The following SIM2 variants were observed in gnomAD, a reference collection of about 807,000 sequenced individuals.
SIM2 encodes the protein SIM bHLH transcription factor 2.
Under a neutral mutation model 64.8 loss-of-function variants are expected in SIM2, and 28 were observed. The observed-to-expected ratio is 0.43, with a 90% CI of 0.32 to 0.59. SIM2 has a LOEUF of 0.59. Among genes scored for constraint, SIM2 ranks in the 20% least tolerant of loss-of-function variants. The pLI is 0.07. For synonymous variants in SIM2, 408 were observed against 391.1 expected (o/e 1.04, Z -0.51); for missense variants, 847 against 871.4 (o/e 0.97, Z 0.35).
chr21:36,715,905 T>G (rs546030225), intron 3 of SIM2, among the ~76,000 whole-genome samples: 86 of 141,742 alleles, frequency 6.1e-4, no homozygotes, highest in Admixed American at 3.4e-3. Flanking sequence ...AAAATTTTAG[T>G]TTTTTTTTTG....
rs1311390401 is a variant in SIM2, at chr21:36,743,592, T to A, written c.1167+37T>A. 1.9e-6 allele frequency: 3 copies of A among 1,598,226 alleles called. No individual in the cohort carries two copies. The African/African-American group carries it at 4.0e-5, about 21-fold the overall frequency. On this transcript the variant is annotated intron_variant, in intron 9 of 10. Coordinates refer to ENST00000290399, the MANE Select transcript of SIM2 (RefSeq NM_005069.6). ...GTCCTGCAGTTTTGGGGTGCTGACATCTATCCTAGGGGTTCGGGACACCTG... is the reference window on the plus strand; with the variant it reads ...GTCCTGCAGTTTTGGGGTGCTGACAACTATCCTAGGGGTTCGGGACACCTG...
At chr21:36,743,348 C>T (rs373442792) in intron 8 of SIM2, 39 bp from the exon 9 acceptor site, 8 of 1,576,350 alleles carry the variant, frequency 5.1e-6, no homozygotes, top group Admixed American at 3.7e-5. Flanking sequence ...CGGCCTCCAG[C>T]GCCTGCTGGA....
Position 36,735,900 on chromosome 21 carries a change from C to T in SIM2, c.850+4749C>T, listed in dbSNP as rs187184853. ...GTCCTGTCACACAGTGCTTTGGTGG[C>T]TGACAGCCCGGCTCAGGGCCTGGCT... On this transcript the variant is annotated intron_variant, in intron 7 of 10. Coordinates refer to ENST00000290399, the MANE Select transcript of SIM2 (RefSeq NM_005069.6). 1.4e-4 allele frequency among the ~76,000 whole-genome samples: 22 copies of T among 152,316 alleles called. 1 individual carries two copies. The highest frequency in any genetic ancestry group is 2.6e-4 in the African/African-American group (11 of 41,582).
At chr21:36,741,630 C>A (rs939140030) in intron 7 of SIM2, 87 bp from the exon 8 acceptor site, 18 of 1,500,702 alleles carry the variant, frequency 1.2e-5, no homozygotes, top group Non-Finnish European at 1.6e-5. Flanking sequence ...CAGAGGTGTC[C>A]TTGGGACAGA....
intron 6 of SIM2, among the ~76,000 whole-genome samples, chr21:36,730,695 T>TG (rs2088954614): frequency 6.6e-6 from 1 of 152,062 alleles, no homozygotes; most frequent in Non-Finnish European, 1.5e-5. Flanking sequence ...CCTCCAAGAG[T>TG]GGGTTCTTTC....
intron 5 of SIM2, among the ~76,000 whole-genome samples, 197 bp from the exon 6 acceptor site, chr21:36,725,922 T>A (rs1021552873): frequency 2.0e-5 from 3 of 152,172 alleles, no homozygotes; most frequent in African/African-American, 7.2e-5. Flanking sequence ...CTTCCAGCTG[T>A]TATGTTGTTT....
chr21:36,747,973 C>G lies in SIM2; in HGVS notation c.1885C>G (p.Pro629Ala). 9.8e-7 allele frequency: 1 copy of G among 1,022,448 alleles called. No homozygotes were observed. The highest frequency in any genetic ancestry group is 1.2e-6 in the Non-Finnish European group (1 of 856,338). The allele number at this position is 1,022,448 out of a possible 1,614,324, so 63.3% of individuals were successfully genotyped here. Residue 629 changes from proline (P) to alanine (A), a missense_variant, in exon 11 of 11, where the codon CCC (proline) becomes GCC (alanine). Physicochemically the swap from Pro to Ala is conservative, Grantham distance 27. Transcript: ENST00000290399. The surrounding 1 kb of genome is among the most constrained non-coding windows in gnomAD (Gnocchi z 4.5). The part of the protein sequence containing the change: ...ASGLACAPGG[P>A]EAATGALRLR... Reference sequence around the variant, plus strand: ...CGGCCTGGCCTGCGCTCCCGGCGGCCCCGAGGCGGCGACCGGCGCGCTGCG... The same window carrying G: ...CGGCCTGGCCTGCGCTCCCGGCGGCGCCGAGGCGGCGACCGGCGCGCTGCG...
intron 7 of SIM2, among the ~76,000 whole-genome samples, chr21:36,741,330 C>G (rs975573151): frequency 6.6e-6 from 1 of 152,330 alleles, no homozygotes; most frequent in Non-Finnish European, 1.5e-5. Context: ...TCACTCACCC[C>G]CCCTCCCCAT....
At chr21:36,710,824 T>G (rs2088665178) in intron 2 of SIM2, among the ~76,000 whole-genome samples, 2 of 152,196 alleles carry the variant, frequency 1.3e-5, no homozygotes, top group Non-Finnish European at 2.9e-5. Flanking sequence ...CGGCGAGTAA[T>G]GGCGCTCTGG....
intron 5 of SIM2, 81 bp downstream of exon 5, chr21:36,723,211 G>T (rs1672376850): frequency 8.8e-7 from 1 of 1,132,822 alleles, no homozygotes; most frequent in Non-Finnish European, 1.3e-6. Flanking sequence ...AGAAAGGAAG[G>T]CACGGGAGCA....
rs761362474 is a variant in SIM2, at chr21:36,726,244, C to T, written c.669C>T (p.Thr223=). 2.3e-5 allele frequency: 37 copies of T among 1,613,610 alleles called. No individual in the cohort carries two copies. Among genetic ancestry groups the T allele is most frequent in the South Asian group, 7.7e-5 (7 of 91,080 alleles). ...AGTCGCTGCCACCCAGTGCCATCAC[C>T]GAGATCAAGCTGTACAGTAACATGT... ...VGQSLPPSAI[T]EIKLYSNMFM... Residue 223 remains threonine, a synonymous_variant, in exon 6 of 11, where the codon ACC becomes ACT. Transcript: ENST00000290399. This position sits in a 1 kb window ranked among gnomAD's most constrained non-coding sequence, Gnocchi z 4.5.
rs1325481381 is a variant in SIM2, at chr21:36,709,066, G to C, written c.176-102G>C. ...CGGCGGGGAGACGCGCGGGACTCGT[G>C]GGGAGGGCTGGCAGGGTGCAGGGGT... On this transcript the variant is annotated intron_variant, in intron 1 of 10. Transcript: ENST00000290399. 35 of 991,800 alleles carry C rather than the reference G, an allele frequency of 3.5e-5. No individual in the cohort carries two copies. In the South Asian group the frequency reaches 4.9e-4, roughly 14 times the overall value. 61.4% of individuals were successfully genotyped at this position (991,800 alleles called of 1,614,324 possible).
chr21:36,700,001 C>A, intron 1 of SIM2, 80 bp downstream of exon 1: 1 of 1,420,136 alleles, frequency 7.0e-7, no homozygotes, highest in South Asian at 1.3e-5. Flanking sequence ...GCCAGCCCGC[C>A]CAGAGGGGTT....
In SIM2 at chr21:36,699,908, C is replaced by T. The variant is rs1393237612; in HGVS notation, c.162C>T (p.Ala54=). ...CCACGAGCTACCTGAAGATGCGCGCCGTCTTCCCCGAAGGTGAGGCCTCAG... is the reference window on the plus strand; with the variant it reads ...CCACGAGCTACCTGAAGATGCGCGCTGTCTTCCCCGAAGGTGAGGCCTCAG... ...RLTTSYLKMR[A]VFPEGLGDAW... Residue 54 remains alanine (A), a synonymous_variant, in exon 1 of 11, where the codon GCC becomes GCT. Coordinates refer to ENST00000290399, the MANE Select transcript of SIM2 (RefSeq NM_005069.6). This position sits in a 1 kb window ranked among gnomAD's most constrained non-coding sequence, Gnocchi z 5.6. The T allele has an allele frequency of 1.9e-6, 3 of 1,601,830 alleles. No individual in the cohort carries two copies. Among genetic ancestry groups the T allele is most frequent in the Admixed American group, 1.7e-5 (1 of 59,058 alleles).
chr21:36,744,424 G>GAAAGAAAGAAAAAC (rs138051499), intron 9 of SIM2, among the ~76,000 whole-genome samples: 1 of 150,970 alleles, frequency 6.6e-6, no homozygotes, highest in African/African-American at 2.4e-5. Flanking sequence ...AAGAAATAAA[G>GAAAGAAAGAAAAAC]AAAGAAAGAA....
chr21:36,713,311 G>A (rs1195597316), intron 3 of SIM2, among the ~76,000 whole-genome samples: 5 of 152,160 alleles, frequency 3.3e-5, no homozygotes, highest in Non-Finnish European at 5.9e-5. Flanking sequence ...GAAAGAGGGG[G>A]ACTCAGCTTT....
At position 36,748,204 on chromosome 21, in the gene SIM2, A is replaced by G; in HGVS notation, c.*112A>G. On this transcript the variant is annotated 3_prime_UTR_variant, in exon 11 of 11. Transcript: ENST00000290399. ...TAATTTATGCAGAGACAGCTGTTTGAATTGGACCCCGCCGCCGACTTGCGG... is the reference window on the plus strand; with the variant it reads ...TAATTTATGCAGAGACAGCTGTTTGGATTGGACCCCGCCGCCGACTTGCGG... The G allele has an allele frequency of 4.2e-6, 2 of 473,588 alleles. No individual in the cohort carries two copies. Among genetic ancestry groups the G allele is most frequent in the Non-Finnish European group, 5.7e-6 (2 of 347,972 alleles). 29.3% of individuals were successfully genotyped at this position (473,588 alleles called of 1,614,324 possible).
At chr21:36,730,266 G>A (rs1372467085) in intron 6 of SIM2, among the ~76,000 whole-genome samples, 2 of 152,214 alleles carry the variant, frequency 1.3e-5, no homozygotes, top group Non-Finnish European at 2.9e-5. Flanking sequence ...CAAATGTGGT[G>A]TCTACATAAA....
At chr21:36,722,964 G>A (rs2088843270) in intron 4 of SIM2, 81 bp from the exon 5 acceptor site, 1 of 1,081,626 alleles carries the variant, frequency 9.2e-7, no homozygotes, top group Non-Finnish European at 1.4e-6. Flanking sequence ...TCTGGCCCTG[G>A]GAACACATTG....
Sources: gnomAD v4.1 joint callset for allele counts (sites outside exome capture counted in the v4.1 genomes callset) on GRCh38, gnomAD v4.1.1 for gene constraint, Gnocchi (gnomAD v3.1) non-coding constraint, MANE v1.5 for transcripts, NCBI Gene and HGNC (gene_info 2026-07-23, HGNC 2026-07-21) for gene names.